MACROD2: variants seen among roughly 807,000 people sequenced by gnomAD.
The protein encoded by MACROD2 is mono-ADP ribosylhydrolase 2.
MACROD2 carries 36 observed loss-of-function variants against 70.4 expected under a neutral mutation model. That is an observed-to-expected ratio of 0.51 (90% CI 0.39 to 0.68). The LOEUF is 0.68. Among genes scored for constraint, MACROD2 ranks in the 30% least tolerant of loss-of-function variants. MACROD2 has a pLI of 0.00. For missense variants in MACROD2, 496 were observed against 538.4 expected, an observed-to-expected ratio of 0.92 and a Z score of 0.78; for synonymous variants, 172 against 178.8, an observed-to-expected ratio of 0.96 and a Z score of 0.30.
chr20:15,976,430 G>A (rs1298201012), intron 13 of MACROD2, among the ~76,000 whole-genome samples: 1 of 152,188 alleles, frequency 6.6e-6, no homozygotes, highest in Non-Finnish European at 1.5e-5. Context: ...TGTTTCCTCA[G>A]CCAGGAGGGA....
At chr20:15,092,620 T>C (rs1164860217) in intron 5 of MACROD2, among the ~76,000 whole-genome samples, 4 of 151,936 alleles carry the variant, frequency 2.6e-5, no homozygotes, top group Non-Finnish European at 4.4e-5. Context: ...TTAAAAAGTA[T>C]TGTACAAATC....
chr20:14,663,105 C>T (rs1038773720), intron 4 of MACROD2, among the ~76,000 whole-genome samples: 15 of 151,648 alleles, frequency 9.9e-5, no homozygotes, highest in Non-Finnish European at 2.1e-4. Context: ...GTGGTAGACT[C>T]GATAAAGAAA....
At chr20:14,804,892 T>TGA (rs34257583) in intron 5 of MACROD2, among the ~76,000 whole-genome samples, 5,054 of 148,680 alleles carry the variant, frequency 0.034, 138 homozygotes, top group Non-Finnish European at 0.049. Flanking sequence ...TGTGTGTGTG[T>TGA]GAGAGAGAGA....
chr20:14,725,895 T>C (rs2071524076), intron 5 of MACROD2, among the ~76,000 whole-genome samples: 1 of 152,134 alleles, frequency 6.6e-6, no homozygotes, highest in South Asian at 2.1e-4. Flanking sequence ...GCAGATGCTG[T>C]TTGCACAGGA....
intron 3 of MACROD2, among the ~76,000 whole-genome samples, chr20:14,433,840 TA>T (rs2084024955): frequency 6.6e-6 from 1 of 152,170 alleles, no homozygotes; most frequent in African/African-American, 2.4e-5. Flanking sequence ...CCAGAGGATT[TA>T]AAATAGTTAG....
intron 3 of MACROD2, among the ~76,000 whole-genome samples, chr20:14,401,255 A>T (rs1407491066): frequency 2.0e-5 from 3 of 152,186 alleles, no homozygotes; most frequent in Non-Finnish European, 4.4e-5. Context: ...GTGCTGTGGC[A>T]AACATAGGTA....
intron 4 of MACROD2, among the ~76,000 whole-genome samples, chr20:14,621,460 C>G (rs1983820423): frequency 1.3e-5 from 2 of 152,050 alleles, no homozygotes; most frequent in African/African-American, 4.8e-5. Context: ...ATGGAAATTG[C>G]TCTAACTTTA....
intron 5 of MACROD2, among the ~76,000 whole-genome samples, chr20:15,011,927 A>G (rs1287709879): frequency 6.6e-6 from 1 of 152,168 alleles, no homozygotes; most frequent in Non-Finnish European, 1.5e-5. Flanking sequence ...TGTTATGACC[A>G]GAGGACAACA....
At chr20:15,947,591 A>C (rs1444093029) in intron 12 of MACROD2, among the ~76,000 whole-genome samples, 1 of 152,146 alleles carries the variant, frequency 6.6e-6, no homozygotes, top group African/African-American at 2.4e-5. Context: ...ACAGGTCAAA[A>C]TGGAGTTTCT....
chr20:14,456,866 A>G (rs1190782899), intron 3 of MACROD2, among the ~76,000 whole-genome samples: 1 of 151,236 alleles, frequency 6.6e-6, no homozygotes, highest in Non-Finnish European at 1.5e-5. Context: ...ACAGGTGCCC[A>G]CCACCACGCC....
chr20:15,813,386 G>A (rs890464451), intron 8 of MACROD2, among the ~76,000 whole-genome samples: 2 of 152,204 alleles, frequency 1.3e-5, no homozygotes, highest in African/African-American at 4.8e-5. Flanking sequence ...GATTTCCTAT[G>A]AGAAACTTTT....
intron 4 of MACROD2, among the ~76,000 whole-genome samples, chr20:14,661,644 G>A (rs1014545304): frequency 6.6e-6 from 1 of 151,978 alleles, no homozygotes; most frequent in Non-Finnish European, 1.5e-5. Context: ...GTCTAGAAGG[G>A]TTTTTCCTAG....
chr20:15,325,011 A>G (rs192646504), intron 6 of MACROD2, among the ~76,000 whole-genome samples: 62 of 141,758 alleles, frequency 4.4e-4, no homozygotes, highest in South Asian at 2.3e-3. Context: ...CAAAGTGTTC[A>G]TCTTTGGACT....
At chr20:15,390,235 C>T (rs548800642) in intron 6 of MACROD2, among the ~76,000 whole-genome samples, 2 of 152,282 alleles carry the variant, frequency 1.3e-5, no homozygotes, top group Non-Finnish European at 2.9e-5. Context: ...AGAGTCCCCT[C>T]CTCCTGATCC....
At chr20:15,134,540 C>T (rs1055783337) in intron 5 of MACROD2, among the ~76,000 whole-genome samples, 1 of 152,020 alleles carries the variant, frequency 6.6e-6, no homozygotes, top group Non-Finnish European at 1.5e-5. Flanking sequence ...ACACAACATA[C>T]CAGAATCTCT....
At chr20:15,051,338 ATGTGTGTG>A (rs6147297) in intron 5 of MACROD2, among the ~76,000 whole-genome samples, 14,469 of 128,732 alleles carry the variant, frequency 0.11, 928 homozygotes, top group Non-Finnish European at 0.14. Context: ...TCAGTAGGAG[ATGTGTGTG>A]TGTGTGTGTG....
intron 8 of MACROD2, among the ~76,000 whole-genome samples, chr20:15,555,518 C>T (rs2048154371): frequency 1.3e-5 from 2 of 152,102 alleles, no homozygotes; most frequent in East Asian, 1.9e-4. Flanking sequence ...ATGGGTTCTG[C>T]CCTCTGCTAG....
chr20:15,229,785 T>C (rs2076943566), intron 5 of MACROD2, among the ~76,000 whole-genome samples, 155 bp from the exon 6 acceptor site: 1 of 152,246 alleles, frequency 6.6e-6, no homozygotes, highest in African/African-American at 2.4e-5. Flanking sequence ...ACTTAAGATC[T>C]TCTACCAGAG....
chr20:15,432,384 A>G (rs2046374261), intron 7 of MACROD2, among the ~76,000 whole-genome samples: 1 of 152,038 alleles, frequency 6.6e-6, no homozygotes, highest in Non-Finnish European at 1.5e-5. Flanking sequence ...CACACTATTT[A>G]AAAATTTAAG....
Sources: allele counts gnomAD v4.1 joint callset (sites outside exome capture counted in the v4.1 genomes callset), GRCh38; gene constraint gnomAD v4.1.1; transcripts MANE v1.5; gene names NCBI Gene and HGNC (gene_info 2026-07-23, HGNC 2026-07-21).